The following ANKRD18A variants were observed in gnomAD, a reference collection of about 807,000 sequenced individuals.
ANKRD18A encodes ankyrin repeat domain-containing protein 18A.
A neutral mutation model predicts 110.6 loss-of-function variants in ANKRD18A; 72 were observed. That is an observed-to-expected ratio of 0.65 (90% CI 0.54 to 0.79). The LOEUF (loss-of-function observed/expected upper bound fraction) is 0.79. Ranked by LOEUF, ANKRD18A falls within the 30% of genes least tolerant of loss-of-function variation. ANKRD18A has a pLI of 0.00. For missense variants in ANKRD18A, 934 were observed against 1,163.3 expected, an observed-to-expected ratio of 0.80 and a Z score of 2.87; for synonymous variants, 305 against 410.3, an observed-to-expected ratio of 0.74 and a Z score of 3.10.
intron 15 of ANKRD18A, among the ~76,000 whole-genome samples, chr9:38,573,595 G>C (rs1256753991): frequency 6.6e-6 from 1 of 151,928 alleles, no homozygotes; most frequent in Admixed American, 6.6e-5. Flanking sequence ...CATGCCTCTA[G>C]TCCCAGCTAC....
At position 38,611,276 on chromosome 9, in the gene ANKRD18A, G is replaced by A. The variant is rs1335649076; in HGVS notation, c.541C>T (p.His181Tyr). The A allele has an allele frequency of 6.5e-7, 1 of 1,532,444 alleles. No homozygotes were observed. Among genetic ancestry groups the A allele is most frequent in the Admixed American group, 2.2e-5 (1 of 45,636 alleles). The allele number at this position is 1,532,444 out of a possible 1,614,324, so 94.9% of individuals were successfully genotyped here. The change falls in exon 4 of 16, where the codon CAT becomes TAT. Residue 181 changes from histidine to tyrosine, a missense_variant. Coordinates refer to ENST00000399703, the MANE Select transcript of ANKRD18A (RefSeq NM_147195.4). ...LLFAINSRRQ[H>Y]MVEFLLKNQA... ...TTCTTCAATAAAAATTCCACCATAT[G>A]CTGTCTCCTGGAATTTATAGCAAAC...
intron 10 of ANKRD18A, among the ~76,000 whole-genome samples, chr9:38,591,235 G>A (rs2118752106): frequency 6.6e-6 from 1 of 151,634 alleles, no homozygotes; most frequent in Non-Finnish European, 1.5e-5. Context: ...TTCCCCAAGT[G>A]CTAGAATTAC....
intron 8 of ANKRD18A, among the ~76,000 whole-genome samples, chr9:38,599,729 G>T (rs955988728): frequency 1.6e-4 from 24 of 152,296 alleles, no homozygotes; most frequent in East Asian, 3.9e-4. Context: ...CTCCCGAAGT[G>T]CTGGGATTAC....
Position 38,610,543 on chromosome 9 carries a change from A to G in ANKRD18A, c.603-133T>C, listed in dbSNP as rs965611626. 3.1e-6 allele frequency: 4 copies of G among 1,275,124 alleles called. No homozygotes were observed. In the African/African-American group the frequency reaches 6.1e-5, roughly 19 times the overall value. The allele number at this position is 1,275,124 out of a possible 1,614,324, so 79.0% of individuals were successfully genotyped here. ...AATAACCATTTACATGTACTAGCTT[A>G]TGTGTATAAGCATCTTGGGTGCTCA... On this transcript the variant is annotated intron_variant, in intron 4 of 15. Transcript: ENST00000399703.
At chr9:38,592,134 T>C (rs1439606761) in intron 10 of ANKRD18A, among the ~76,000 whole-genome samples, 1 of 152,218 alleles carries the variant, frequency 6.6e-6, no homozygotes, top group Non-Finnish European at 1.5e-5. Context: ...TCTATTAGAC[T>C]AATTGGTTTT....
At chr9:38,575,765 A>G in intron 14 of ANKRD18A, 67 bp from the exon 15 acceptor site, 1 of 1,467,128 alleles carries the variant, frequency 6.8e-7, no homozygotes, top group Non-Finnish European at 9.1e-7. Flanking sequence ...AATGACTTGC[A>G]TTTTTTAAAA....
At chr9:38,589,310 G>T (rs1482107374) in intron 10 of ANKRD18A, among the ~76,000 whole-genome samples, 1 of 152,234 alleles carries the variant, frequency 6.6e-6, no homozygotes, top group African/African-American at 2.4e-5. Context: ...CTCATCCAGA[G>T]ATCTATTTTT....
intron 10 of ANKRD18A, among the ~76,000 whole-genome samples, chr9:38,591,228 C>T (rs2118752072): frequency 6.6e-6 from 1 of 152,004 alleles, no homozygotes; most frequent in Non-Finnish European, 1.5e-5. Context: ...CCTCAGCTTC[C>T]CCAAGTGCTA....
At chr9:38,597,197 G>A (rs1824923419) in intron 8 of ANKRD18A, among the ~76,000 whole-genome samples, 1 of 152,194 alleles carries the variant, frequency 6.6e-6, no homozygotes, top group Admixed American at 6.6e-5. Context: ...CAGATTGAGA[G>A]GATGTGACCT....
At chr9:38,595,383 C>T in intron 9 of ANKRD18A, 103 bp downstream of exon 9, 1 of 1,100,294 alleles carries the variant, frequency 9.1e-7, no homozygotes, top group Non-Finnish European at 1.2e-6. Flanking sequence ...ATGGTAAACA[C>T]ATTTTCATCT....
chr9:38,608,289 C>A (rs1825446543), intron 5 of ANKRD18A, among the ~76,000 whole-genome samples: 1 of 152,056 alleles, frequency 6.6e-6, no homozygotes, highest in Non-Finnish European at 1.5e-5. Flanking sequence ...AAACTCAGAG[C>A]CAGCAGGTCT....
chr9:38,581,234 G>T (rs1824148513), intron 12 of ANKRD18A, among the ~76,000 whole-genome samples: 1 of 152,218 alleles, frequency 6.6e-6, no homozygotes, highest in Admixed American at 6.5e-5. Flanking sequence ...TCTAATAAAT[G>T]TTGAGATTAA....
chr9:38,599,806 C>G (rs1163660687), intron 8 of ANKRD18A, among the ~76,000 whole-genome samples: 1 of 152,096 alleles, frequency 6.6e-6, no homozygotes, highest in Admixed American at 6.6e-5. Flanking sequence ...ACAGATATAT[C>G]CTCTTTATTA....
intron 15 of ANKRD18A, among the ~76,000 whole-genome samples, chr9:38,573,740 C>T (rs1823761357): frequency 6.6e-6 from 1 of 151,828 alleles, no homozygotes; most frequent in East Asian, 1.9e-4. Flanking sequence ...AAAGGTTAAA[C>T]AATTAAAGTC....
intron 15 of ANKRD18A, 187 bp from the exon 16 acceptor site, chr9:38,572,246 A>G: frequency 2.2e-6 from 1 of 449,140 alleles, no homozygotes; most frequent in Non-Finnish European, 4.0e-6. Context: ...GTGGTTAAAT[A>G]TCACAGCTTT....
chr9:38,572,936 C>T (rs7028118), intron 15 of ANKRD18A: 33,077 of 384,484 alleles, frequency 0.086, 2,330 homozygotes, highest in African/African-American at 0.25. Flanking sequence ...TGAAAGTTTT[C>T]GTTTTCACAT....
At chr9:38,600,401 T>C (rs1354965915) in intron 8 of ANKRD18A, among the ~76,000 whole-genome samples, 1 of 152,222 alleles carries the variant, frequency 6.6e-6, no homozygotes, top group East Asian at 1.9e-4. Flanking sequence ...AGAAAACTTT[T>C]AGATTCTACT....
intron 3 of ANKRD18A, among the ~76,000 whole-genome samples, chr9:38,614,948 CTCAGAGTCCTCTAAAAATTAA>C (rs1825788649): frequency 6.6e-6 from 1 of 152,126 alleles, no homozygotes; most frequent in Non-Finnish European, 1.5e-5. Flanking sequence ...ATCTGGTTTC[CTCAGAGTCCTCTAAAAATTAA>C]TCTTTAGGCA....
At chr9:38,602,419 C>T (rs1174978365) in intron 7 of ANKRD18A, among the ~76,000 whole-genome samples, 2 of 151,990 alleles carry the variant, frequency 1.3e-5, no homozygotes, top group East Asian at 3.9e-4. Context: ...GAGAAGCCTC[C>T]CAGAGCGTAT....
Sources: gnomAD v4.1 joint callset for allele counts (sites outside exome capture counted in the v4.1 genomes callset) on GRCh38, gnomAD v4.1.1 for gene constraint, MANE v1.5 for transcripts, NCBI Gene and HGNC (gene_info 2026-07-23, HGNC 2026-07-21) for gene names.